The following DPYSL3 variants were observed in gnomAD, a reference collection of about 807,000 sequenced individuals.
The protein encoded by DPYSL3 is dihydropyrimidinase-related protein 3.
In DPYSL3, 16 loss-of-function variants were observed where a neutral mutation model predicts 66.1. That is an observed-to-expected ratio of 0.24 (90% confidence interval 0.16 to 0.37). The LOEUF (loss-of-function observed/expected upper bound fraction) is 0.37. DPYSL3 is among the 10% of genes least tolerant of loss of function. The pLI, the probability that DPYSL3 is intolerant of heterozygous loss-of-function variation, is 1.00. For synonymous variants in DPYSL3, 338 were observed against 345.1 expected, an observed-to-expected ratio of 0.98 and a Z score of 0.23; for missense variants, 738 against 916.2, an observed-to-expected ratio of 0.81 and a Z score of 2.51.
chr5:147,453,541 G>C (rs1245445314), intron 1 of DPYSL3: 1 of 1,532,116 alleles, frequency 6.5e-7, no homozygotes, highest in Admixed American at 2.0e-5. Context: ...AGCGGCGCCC[G>C]GACTCACCGT....
chr5:147,491,309 C>G (rs570900956), intron 1 of DPYSL3, among the ~76,000 whole-genome samples: 5 of 152,282 alleles, frequency 3.3e-5, no homozygotes, highest in African/African-American at 9.6e-5. Context: ...TTCTCTTCCC[C>G]TACACCTTGC....
chr5:147,405,562 GCC>G, intron 8 of DPYSL3, 46 bp downstream of exon 8: 4 of 1,579,390 alleles, frequency 2.5e-6, no homozygotes, highest in African/African-American at 1.4e-5. Flanking sequence ...GAGGGAAGGA[GCC>G]ACACAGTGCC....
At position 147,424,858 on chromosome 5, in the gene DPYSL3, G is replaced by T. The variant is rs750241439; in HGVS notation, c.470+17C>A. ...AGGAAGTGCAAAACAATAAAGAGAA[G>T]AATTCCATATACATACTTTATTAAG... On this transcript the variant is annotated intron_variant, in intron 2 of 13. Transcript: ENST00000343218. The T allele has an allele frequency of 9.0e-6, 14 of 1,562,694 alleles. No homozygotes were observed. The South Asian group carries it at 1.4e-4, about 15-fold the overall frequency.
intron 1 of DPYSL3, among the ~76,000 whole-genome samples, chr5:147,483,932 A>G (rs184430795): frequency 6.6e-5 from 10 of 152,348 alleles, no homozygotes; most frequent in Non-Finnish European, 1.3e-4. Flanking sequence ...TGAAAAGTCC[A>G]GCCTGGCACT....
At chr5:147,463,328 T>C (rs1752963206) in intron 1 of DPYSL3, among the ~76,000 whole-genome samples, 1 of 152,114 alleles carries the variant, frequency 6.6e-6, no homozygotes, top group African/African-American at 2.4e-5. Context: ...GGAGATACTT[T>C]CCTATGGCTT....
intron 1 of DPYSL3, among the ~76,000 whole-genome samples, chr5:147,439,949 G>A (rs1752501416): frequency 6.6e-6 from 1 of 152,128 alleles, no homozygotes; most frequent in Admixed American, 6.5e-5. Flanking sequence ...CAGTGAGAAG[G>A]CAGCTTCGAC....
At chr5:147,434,250 G>A (rs73794726) in intron 1 of DPYSL3, among the ~76,000 whole-genome samples, 7,557 of 152,280 alleles carry the variant, frequency 0.05, 620 homozygotes, top group African/African-American at 0.17. Context: ...ACAGATTAAA[G>A]CCAAGTCAGT....
At chr5:147,500,527 T>A (rs1049187349) in intron 1 of DPYSL3, among the ~76,000 whole-genome samples, 3 of 148,866 alleles carry the variant, frequency 2.0e-5, no homozygotes, top group Non-Finnish European at 3.0e-5. Flanking sequence ...GGCAGGAGAA[T>A]CACTTGAACC....
At chr5:147,477,482 C>G (rs1424836004) in intron 1 of DPYSL3, among the ~76,000 whole-genome samples, 2 of 147,514 alleles carry the variant, frequency 1.4e-5, no homozygotes, top group Non-Finnish European at 3.0e-5. Flanking sequence ...GTGATATTTC[C>G]AGAATTGTTG....
At chr5:147,497,837 T>C (rs960625625) in intron 1 of DPYSL3, among the ~76,000 whole-genome samples, 8 of 152,154 alleles carry the variant, frequency 5.3e-5, no homozygotes, top group Non-Finnish European at 1.0e-4. Flanking sequence ...CTACTAAGAT[T>C]AGAAACAAGG....
chr5:147,451,844 T>C (rs944924088), intron 1 of DPYSL3, among the ~76,000 whole-genome samples: 1 of 152,212 alleles, frequency 6.6e-6, no homozygotes, highest in Non-Finnish European at 1.5e-5. Flanking sequence ...TTTTCTTTCT[T>C]TCTTTCTTTT....
chr5:147,440,783 A>G (rs1752516789), intron 1 of DPYSL3, among the ~76,000 whole-genome samples: 1 of 152,226 alleles, frequency 6.6e-6, no homozygotes, highest in East Asian at 1.9e-4. Flanking sequence ...CTAACATTAA[A>G]TAACTTGATA....
Position 147,393,776 on chromosome 5 carries a change from T to G in DPYSL3, c.*259A>C. 2.0e-6 allele frequency: 1 copy of G among 490,038 alleles called. No homozygotes were observed. The allele number at this position is 490,038 out of a possible 1,614,324, so 30.4% of individuals were successfully genotyped here. The stretch of plus-strand genomic sequence containing the variant: ...TATGATAGAGCAGACTCTTTTACCT[T>G]AGTGGCCTGTCTGATTGCATGCATG... On this transcript the variant is annotated 3_prime_UTR_variant, in exon 14 of 14. Transcript: ENST00000343218.
intron 3 of DPYSL3, 47 bp from the exon 4 acceptor site, chr5:147,415,920 G>T (rs552834014): frequency 6.5e-5 from 103 of 1,594,566 alleles, no homozygotes; most frequent in Admixed American, 1.9e-4. Context: ...CACAGCCTTT[G>T]CTCCCCTCTG....
At chr5:147,475,173 T>C (rs1406252512) in intron 1 of DPYSL3, among the ~76,000 whole-genome samples, 1 of 152,054 alleles carries the variant, frequency 6.6e-6, no homozygotes, top group African/African-American at 2.4e-5. Context: ...GGTCTATTCA[T>C]AATAGCTAAA....
At position 147,418,669 on chromosome 5, in the gene DPYSL3, T is replaced by C. The variant is rs774445941; in HGVS notation, c.471-38A>G. On this transcript the variant is annotated intron_variant, in intron 2 of 13. Transcript: ENST00000343218. ...ACAAACAAAAAAATGATCAAACACT[T>C]GGTCATTTAAAAGTGCAATTTCCAA... 1.2e-5 allele frequency: 19 copies of C among 1,537,560 alleles called. No individual in the cohort carries two copies. In the South Asian group the frequency reaches 2.1e-4, roughly 17 times the overall value.
At chr5:147,424,461 C>A (rs1249276741) in intron 2 of DPYSL3, among the ~76,000 whole-genome samples, 1 of 152,188 alleles carries the variant, frequency 6.6e-6, no homozygotes. Context: ...AATCTATGTC[C>A]TATCTGTGCT....
intron 1 of DPYSL3, among the ~76,000 whole-genome samples, chr5:147,495,318 T>C: frequency 6.6e-6 from 1 of 152,152 alleles, no homozygotes; most frequent in East Asian, 1.9e-4. Flanking sequence ...ACTGGAAGCA[T>C]TCCCTTTGAA....
At chr5:147,472,391 T>A (rs1239581703) in intron 1 of DPYSL3, among the ~76,000 whole-genome samples, 3 of 152,170 alleles carry the variant, frequency 2.0e-5, no homozygotes, top group Non-Finnish European at 4.4e-5. Flanking sequence ...GGCACCCAAG[T>A]TTTAGCCATG....
Sources: gnomAD v4.1 joint callset for allele counts (sites outside exome capture counted in the v4.1 genomes callset) on GRCh38, gnomAD v4.1.1 for gene constraint, MANE v1.5 for transcripts, NCBI Gene and HGNC (gene_info 2026-07-23, HGNC 2026-07-21) for gene names.